DAB1: variants seen among roughly 807,000 people sequenced by gnomAD.
DAB1 encodes DAB adaptor protein 1, also known as disabled homolog 1.
In DAB1, 15 loss-of-function variants were observed where a neutral mutation model predicts 64.6. The observed-to-expected ratio is 0.23, with a 90% CI of 0.16 to 0.36. The LOEUF (loss-of-function observed/expected upper bound fraction) is 0.36, where lower values mean the gene tolerates loss of function less well. DAB1 is among the 10% of genes least tolerant of loss of function. The pLI is 1.00. For missense variants in DAB1, 596 were observed against 706.7 expected (o/e 0.84, Z 1.78); for synonymous variants, 235 against 251.9 (o/e 0.93, Z 0.64).
At chr1:57,019,166 A>G (rs1646531415) in intron 11 of DAB1, among the ~76,000 whole-genome samples, 1 of 152,070 alleles carries the variant, frequency 6.6e-6, no homozygotes. Context: ...GGAACTCTTT[A>G]TTCTCTCTCT....
intron 5 of DAB1, among the ~76,000 whole-genome samples, chr1:57,934,621 T>G (rs1645000702): frequency 6.6e-6 from 1 of 152,162 alleles, no homozygotes. Flanking sequence ...AACTCTGTTG[T>G]CCAGTATTGA....
At chr1:57,385,063 A>G (rs17115713) in intron 1 of DAB1, among the ~76,000 whole-genome samples, 38,180 of 152,078 alleles carry the variant, frequency 0.25, 5,375 homozygotes, top group African/African-American at 0.38. Flanking sequence ...TGGATCACTG[A>G]TAATGAACAA....
intron 6 of DAB1, among the ~76,000 whole-genome samples, chr1:57,770,935 T>C (rs947220289): frequency 6.6e-6 from 1 of 152,082 alleles, no homozygotes; most frequent in Non-Finnish European, 1.5e-5. Flanking sequence ...CATTGTCTAA[T>C]CCATACTGAG....
At chr1:57,393,245 G>C (rs933528055) in intron 1 of DAB1, among the ~76,000 whole-genome samples, 1 of 152,178 alleles carries the variant, frequency 6.6e-6, no homozygotes, top group Admixed American at 6.5e-5. Context: ...TGAGCATTTA[G>C]AGTAATGCCA....
chr1:57,366,661 A>T (rs983278186), intron 1 of DAB1, among the ~76,000 whole-genome samples: 4 of 152,362 alleles, frequency 2.6e-5, no homozygotes, highest in Non-Finnish European at 5.9e-5. Context: ...TAAGAATTAT[A>T]CCTACAAAAC....
chr1:58,413,524 G>A (rs549256474), intron 3 of DAB1, among the ~76,000 whole-genome samples: 17 of 152,220 alleles, frequency 1.1e-4, no homozygotes, highest in Admixed American at 1.1e-3. Flanking sequence ...GTCTCCCTGT[G>A]ATTCCCACTA....
intron 3 of DAB1, among the ~76,000 whole-genome samples, chr1:58,383,828 G>C (rs1464652629): frequency 6.6e-6 from 1 of 152,186 alleles, no homozygotes; most frequent in Non-Finnish European, 1.5e-5. Flanking sequence ...TGTGGATAAT[G>C]CTGCAATGAA....
intron 3 of DAB1, among the ~76,000 whole-genome samples, chr1:58,427,848 T>A (rs1046544182): frequency 2.0e-4 from 31 of 152,208 alleles, no homozygotes; most frequent in African/African-American, 7.2e-4. Flanking sequence ...GGTCATCAAC[T>A]CAGCCAGCGT....
At chr1:57,182,087 G>A (rs763839033) in intron 2 of DAB1, among the ~76,000 whole-genome samples, 33 of 152,048 alleles carry the variant, frequency 2.2e-4, no homozygotes, top group Non-Finnish European at 4.0e-4. Context: ...GGGTTTCACC[G>A]TGTTAGCCAG....
At chr1:57,074,791 T>C (rs1322628043) in intron 4 of DAB1, among the ~76,000 whole-genome samples, 1 of 152,194 alleles carries the variant, frequency 6.6e-6, no homozygotes, top group Non-Finnish European at 1.5e-5. Context: ...CTAATGGTTT[T>C]TGACACAAAT....
At chr1:57,128,631 CAG>C (rs1390308615) in intron 4 of DAB1, among the ~76,000 whole-genome samples, 3 of 152,032 alleles carry the variant, frequency 2.0e-5, no homozygotes, top group Non-Finnish European at 4.4e-5. Context: ...GATGGGGAAA[CAG>C]GGGCCCGTAC....
At chr1:57,806,519 G>T (rs1409570451) in intron 6 of DAB1, among the ~76,000 whole-genome samples, 1 of 152,180 alleles carries the variant, frequency 6.6e-6, no homozygotes, top group Non-Finnish European at 1.5e-5. Context: ...TAGGGGGAAG[G>T]CCTGGAAGAG....
intron 7 of DAB1, among the ~76,000 whole-genome samples, chr1:57,604,037 TG>T (rs1328089830): frequency 1.3e-5 from 2 of 152,204 alleles, no homozygotes; most frequent in African/African-American, 4.8e-5. Context: ...CCTGGGGAGC[TG>T]GGGGCCTCCA....
At chr1:57,982,497 T>A (rs558367518) in intron 5 of DAB1, among the ~76,000 whole-genome samples, 84 of 152,296 alleles carry the variant, frequency 5.5e-4, no homozygotes, top group Admixed American at 3.3e-3. Context: ...TAAACTGCAA[T>A]GCCAAGCTGG....
At chr1:57,914,163 C>T (rs1644690099) in intron 5 of DAB1, among the ~76,000 whole-genome samples, 2 of 152,254 alleles carry the variant, frequency 1.3e-5, no homozygotes, top group South Asian at 4.1e-4. Context: ...TATTGCGGCA[C>T]TATTCACAAT....
At chr1:57,901,812 C>T (rs932994186) in intron 5 of DAB1, among the ~76,000 whole-genome samples, 28 of 152,134 alleles carry the variant, frequency 1.8e-4, no homozygotes, top group African/African-American at 6.5e-4. Flanking sequence ...ACCCCAGCTC[C>T]ACCATTCCTT....
intron 6 of DAB1, among the ~76,000 whole-genome samples, chr1:57,712,270 C>T (rs866823324): frequency 6.6e-6 from 1 of 152,114 alleles, no homozygotes; most frequent in East Asian, 1.9e-4. Flanking sequence ...GAATACCCAC[C>T]AAAGTGAGGC....
intron 5 of DAB1, among the ~76,000 whole-genome samples, chr1:58,117,283 G>A (rs1011144986): frequency 2.0e-5 from 3 of 152,194 alleles, no homozygotes; most frequent in Admixed American, 2.0e-4. Context: ...ATAATTAACA[G>A]TGTCTTACTC....
chr1:57,302,473 T>C (rs903022480), intron 1 of DAB1, among the ~76,000 whole-genome samples: 2 of 152,124 alleles, frequency 1.3e-5, no homozygotes, highest in Admixed American at 1.3e-4. Context: ...ACCACACCTC[T>C]ACTTACAAGT....
Sources: gnomAD v4.1 joint callset for allele counts (sites outside exome capture counted in the v4.1 genomes callset) on GRCh38, gnomAD v4.1.1 for gene constraint, MANE v1.5 for transcripts, NCBI Gene and HGNC (gene_info 2026-07-23, HGNC 2026-07-21) for gene names.